ARHGEF12: variants seen among roughly 807,000 people sequenced by gnomAD.
The protein encoded by ARHGEF12 is KMT2A/ARHGEF12 fusion protein.
A neutral mutation model predicts 211.2 loss-of-function variants in ARHGEF12; 66 were observed. That is an observed-to-expected ratio of 0.31 (90% CI 0.26 to 0.38). The LOEUF is 0.38. Among genes scored for constraint, ARHGEF12 ranks in the 10% least tolerant of loss-of-function variants. The probability of loss-of-function intolerance (pLI) is 1.00; values close to 1 mark genes in which losing one functional copy is unlikely to be tolerated. For missense variants in ARHGEF12, 1,429 were observed against 1,869.5 expected (o/e 0.76, Z 4.34); for synonymous variants, 592 against 638.4 (o/e 0.93, Z 1.09).
chr11:120,338,929 A>G (rs1366176335), intron 1 of ARHGEF12, among the ~76,000 whole-genome samples: 5 of 151,392 alleles, frequency 3.3e-5, no homozygotes, highest in Non-Finnish European at 5.9e-5. Context: ...TGGAATTTGT[A>G]TCCTCTTTAT....
At chr11:120,484,402 C>A in intron 39 of ARHGEF12, 36 bp from the exon 40 acceptor site, 2 of 1,580,690 alleles carry the variant, frequency 1.3e-6, no homozygotes, top group Non-Finnish European at 1.7e-6. Context: ...TGTTTCATTA[C>A]GTTTGAATAA....
intron 30 of ARHGEF12, 98 bp downstream of exon 30, chr11:120,469,486 C>T: frequency 1.0e-6 from 1 of 967,712 alleles, no homozygotes; most frequent in East Asian, 2.6e-5. Context: ...CTATCATTAC[C>T]TAATGGACAG....
rs1166659353 is a variant in ARHGEF12, at chr11:120,429,693, TA to T, written c.664-18del. The T allele has an allele frequency of 1.0e-5, 16 of 1,602,604 alleles. No individual in the cohort carries two copies. Among genetic ancestry groups the T allele is most frequent in the Non-Finnish European group, 1.0e-5 (12 of 1,175,892 alleles). On this transcript the variant is annotated intron_variant, in intron 9 of 40. Coordinates refer to ENST00000397843, the MANE Select transcript of ARHGEF12 (RefSeq NM_015313.3). ...TTACATAAGTAATTAATTCTGAAAA[TA>T]TTTTTATAACTTTTCAGTTATTGCA...
At chr11:120,411,622 C>G (rs927556659) in intron 4 of ARHGEF12, 3 of 108,122 alleles carry the variant, frequency 2.8e-5, no homozygotes, top group African/African-American at 1.1e-4. Context: ...CAAGATCTCG[C>G]TGTGTGGCCC....
intron 4 of ARHGEF12, among the ~76,000 whole-genome samples, chr11:120,414,625 C>A (rs1360665142): frequency 6.6e-6 from 1 of 152,096 alleles, no homozygotes; most frequent in Non-Finnish European, 1.5e-5. Flanking sequence ...GAGATATGCA[C>A]TCATTTACCA....
intron 1 of ARHGEF12, among the ~76,000 whole-genome samples, chr11:120,382,683 T>C (rs1212712419): frequency 6.6e-6 from 1 of 151,984 alleles, no homozygotes; most frequent in Non-Finnish European, 1.5e-5. Flanking sequence ...ATTCTATTTC[T>C]CTCTCTCTCT....
intron 1 of ARHGEF12, among the ~76,000 whole-genome samples, chr11:120,347,141 TTCCTTCCTTCC>T (rs1281392023): frequency 8.4e-5 from 4 of 47,886 alleles, no homozygotes; most frequent in African/African-American, 4.4e-4. Flanking sequence ...CTTTCCTTCC[TTCCTTCCTTCC>T]TTCCTTCCTT....
chr11:120,394,971 C>T (rs147206766), intron 1 of ARHGEF12, among the ~76,000 whole-genome samples: 1,864 of 148,684 alleles, frequency 0.013, 35 homozygotes, highest in African/African-American at 0.044. Flanking sequence ...GGATGAGAAT[C>T]GCTTGAGCCC....
chr11:120,381,317 C>T (rs1943871835), intron 1 of ARHGEF12, among the ~76,000 whole-genome samples: 1 of 150,478 alleles, frequency 6.6e-6, no homozygotes. Context: ...CACTCTAGTC[C>T]TCCTTTTTAA....
intron 31 of ARHGEF12, among the ~76,000 whole-genome samples, chr11:120,473,549 T>C (rs1946938805): frequency 6.6e-6 from 1 of 152,186 alleles, no homozygotes. Context: ...ACTATAGGTA[T>C]ATGCCACCAT....
chr11:120,343,991 G>T (rs896809795), intron 1 of ARHGEF12, among the ~76,000 whole-genome samples: 1 of 152,030 alleles, frequency 6.6e-6, no homozygotes, highest in East Asian at 1.9e-4. Flanking sequence ...CTGGCCAGGC[G>T]CGGTGGCTCA....
In ARHGEF12 at chr11:120,474,507, A is replaced by G. The variant is rs76826470; in HGVS notation, c.3034-53A>G. 7.3e-5 allele frequency: 94 copies of G among 1,286,102 alleles called. No individual in the cohort carries two copies. The East Asian group carries it at 2.1e-3, about 29-fold the overall frequency. 79.7% of individuals were successfully genotyped at this position (1,286,102 alleles called of 1,614,324 possible). A position where few individuals can be genotyped will look rare whatever the true frequency, so the allele number is the denominator to read the frequency against. ...AAGAGACTGTATTATATAGATAATC[A>G]TGTTACTGAGTGCTTGGAAATTATT... On this transcript the variant is annotated intron_variant, in intron 31 of 40. Transcript: ENST00000397843.
chr11:120,385,029 A>G (rs1591527471), intron 1 of ARHGEF12, among the ~76,000 whole-genome samples: 3 of 152,224 alleles, frequency 2.0e-5, no homozygotes, highest in South Asian at 4.2e-4. Flanking sequence ...ATCATGCTGT[A>G]CTCAAGAAGA....
intron 3 of ARHGEF12, 80 bp from the exon 4 acceptor site, chr11:120,409,314 C>CT (rs1157991372): frequency 3.6e-6 from 5 of 1,401,708 alleles, no homozygotes; most frequent in Admixed American, 1.8e-5. Context: ...ATGATTCATT[C>CT]TTTTTTCCCC....
In ARHGEF12 at chr11:120,419,544, G is replaced by A. The variant is rs1413921758; in HGVS notation, c.200-1209G>A. ...TTTTGTGTAGGTCATGAGTTCAAGG[G>A]TTAAGGTTCATGTTAAGCTACAGTA... On this transcript the variant is annotated intron_variant, in intron 4 of 40. Coordinates refer to ENST00000397843, the MANE Select transcript of ARHGEF12 (RefSeq NM_015313.3). Among the ~76,000 whole-genome samples the A allele has an allele frequency of 6.6e-5, 10 of 151,614 alleles. 1 individual carries two copies. The South Asian group carries it at 1.7e-3, about 25-fold the overall frequency.
intron 1 of ARHGEF12, among the ~76,000 whole-genome samples, chr11:120,365,046 C>G (rs186518658): frequency 6.6e-6 from 1 of 151,942 alleles, no homozygotes; most frequent in East Asian, 1.9e-4. Flanking sequence ...ATTGGCCTCC[C>G]GAAATGGTGG....
intron 4 of ARHGEF12, 63 bp downstream of exon 4, chr11:120,409,513 GTTCT>G (rs952053022): frequency 2.1e-5 from 32 of 1,515,064 alleles, no homozygotes; most frequent in Non-Finnish European, 2.7e-5. Context: ...TTCCTTTTCT[GTTCT>G]TTTTTTCCTT....
intron 30 of ARHGEF12, among the ~76,000 whole-genome samples, chr11:120,469,936 G>A (rs973686810): frequency 8.5e-5 from 13 of 152,302 alleles, no homozygotes; most frequent in Admixed American, 7.2e-4. Flanking sequence ...GAACCAAAAT[G>A]ATGTGAAGGG....
intron 1 of ARHGEF12, among the ~76,000 whole-genome samples, chr11:120,372,823 T>C (rs78663790): frequency 0.016 from 2,458 of 152,248 alleles, 78 homozygotes; most frequent in African/African-American, 0.055. Context: ...ATATCTCTTA[T>C]CATGTCTACT....
Sources: allele counts gnomAD v4.1 joint callset (sites outside exome capture counted in the v4.1 genomes callset), GRCh38; gene constraint gnomAD v4.1.1; transcripts MANE v1.5; gene names NCBI Gene and HGNC (gene_info 2026-07-23, HGNC 2026-07-21).